CRYBG3: variants seen among roughly 807,000 people sequenced by gnomAD.
CRYBG3 encodes the protein crystallin beta-gamma domain containing 3.
CRYBG3 carries 127 observed loss-of-function variants against 244.2 expected under a neutral mutation model. That is an observed-to-expected ratio of 0.52 (90% CI 0.45 to 0.60). CRYBG3 has a LOEUF of 0.60. Among genes scored for constraint, CRYBG3 ranks in the 20% least tolerant of loss-of-function variants. The probability of loss-of-function intolerance (pLI) is 0.00; values close to 1 mark genes in which losing one functional copy is unlikely to be tolerated. For missense variants in CRYBG3, 3,325 were observed against 3,442.5 expected, an observed-to-expected ratio of 0.97 and a Z score of 0.85; for synonymous variants, 1,132 against 1,195.8, an observed-to-expected ratio of 0.95 and a Z score of 1.10.
rs191879714 is a variant in CRYBG3 at position 97,897,800 on chromosome 3, G to T, written c.7702-1083G>T. ...TTCTTAATTCAAAAAGGAATTACAG[G>T]GTCAGAGAGTGTGAACAGTTTCTTT... On this transcript the variant is annotated intron_variant, in intron 12 of 21. Transcript: ENST00000389622. 5.9e-5 allele frequency among the ~76,000 whole-genome samples: 9 copies of T among 152,132 alleles called. 1 individual carries two copies. Among genetic ancestry groups the T allele is most frequent in the African/African-American group, 2.2e-4 (9 of 41,524 alleles).
intron 2 of CRYBG3, among the ~76,000 whole-genome samples, chr3:97,853,406 TACACACACACAC>T (rs57065921): frequency 1.4e-5 from 2 of 147,682 alleles, no homozygotes; most frequent in African/African-American, 2.5e-5. Context: ...ACACATACAA[TACACACACACAC>T]ACACACACAC....
In CRYBG3 at chr3:97,875,261, G is replaced by A; in HGVS notation, c.4067G>A (p.Arg1356Lys). 1.3e-6 allele frequency: 2 copies of A among 1,489,316 alleles called. No homozygotes were observed. Among genetic ancestry groups the A allele is most frequent in the South Asian group, 2.6e-5 (2 of 75,508 alleles). 92.3% of individuals were successfully genotyped at this position (1,489,316 alleles called of 1,614,324 possible). A position where few individuals can be genotyped will look rare whatever the true frequency, so the allele number is the denominator to read the frequency against. Residue 1356 changes from arginine to lysine, a missense_variant, in exon 4 of 22, where the codon AGA (arginine) becomes AAA (lysine). By Grantham distance (26) the Arg-to-Lys change is conservative. This residue lies in a region of CRYBG3 where 635 missense variants were observed against 771.7 expected (regional missense o/e 0.82). Transcript: ENST00000389622. ...SDSVKPHDVV[R>K]EFLVSEQPVN... The stretch of plus-strand genomic sequence containing the variant: ...AGTGTTAAGCCACATGATGTAGTTA[G>A]AGAGTTCTTGGTTTCAGAACAGCCA...
Position 97,877,880 on chromosome 3 carries a change from T to C in CRYBG3, c.6686T>C (p.Leu2229Pro). 1 of 1,614,122 alleles carries C rather than the reference T, an allele frequency of 6.2e-7. No individual in the cohort carries two copies. Among genetic ancestry groups the C allele is most frequent in the Non-Finnish European group, 8.5e-7 (1 of 1,180,014 alleles). Residue 2229 changes from leucine to proline, a missense_variant, in exon 4 of 22, where the codon CTA becomes CCA. Leu to Pro is a moderately conservative substitution (Grantham distance 98, BLOSUM62 -3). Coordinates refer to ENST00000389622, the MANE Select transcript of CRYBG3 (RefSeq NM_153605.4). ...CAGAAATCTGACCTTACTTCTAAAC[T>C]ACATTCTTCTTTAAAGAGTGCTTAT... ...FLQKSDLTSK[L>P]HSSLKSAYHQ...
chr3:97,874,503 G>A lies in CRYBG3; in HGVS notation c.3309G>A (p.Leu1103=). The change falls in exon 4 of 22, where the codon TTG becomes TTA. Residue 1103 remains leucine (L), a synonymous_variant. Transcript: ENST00000389622. ...THEGTSVTNL[L]YPTTSYLEFE... The stretch of plus-strand genomic sequence containing the variant: ...AAGGTACCTCTGTAACTAACCTGTT[G>A]TACCCTACTACCTCTTATTTGGAAT... 1 of 1,534,764 alleles carries A rather than the reference G, an allele frequency of 6.5e-7. No homozygotes were observed. The highest frequency in any genetic ancestry group is 2.4e-5 in the East Asian group (1 of 40,904).
intron 19 of CRYBG3, 97 bp downstream of exon 19, chr3:97,937,005 T>G (rs1260973516): frequency 1.4e-6 from 2 of 1,403,758 alleles, no homozygotes; most frequent in East Asian, 4.8e-5. Context: ...TTAATTTAGT[T>G]TGCCATTTAC....
intron 1 of CRYBG3, among the ~76,000 whole-genome samples, chr3:97,835,214 A>G (rs2108159785): frequency 6.6e-6 from 1 of 152,228 alleles, no homozygotes; most frequent in South Asian, 2.1e-4. Context: ...GCATGTCTAA[A>G]TGTGTCTCTA....
chr3:97,893,129 ATAT>A (rs1442124783), intron 11 of CRYBG3, 136 bp downstream of exon 11: 1 of 736,706 alleles, frequency 1.4e-6, no homozygotes, highest in Non-Finnish European at 2.2e-6. Flanking sequence ...AAAGTAAAAA[ATAT>A]TAGTTACTTA....
chr3:97,893,614 A>G (rs530442062), intron 11 of CRYBG3, among the ~76,000 whole-genome samples: 1 of 152,354 alleles, frequency 6.6e-6, no homozygotes, highest in South Asian at 2.1e-4. Context: ...AGGTGAAACA[A>G]TGAAGAAGAA....
Position 97,875,887 on chromosome 3 carries a change from C to A in CRYBG3, c.4693C>A (p.Pro1565Thr). Residue 1565 changes from proline to threonine, a missense_variant, in exon 4 of 22, where the codon CCT becomes ACT. Physicochemically the swap from Pro to Thr is conservative, Grantham distance 38. This residue lies in a region of CRYBG3 where 635 missense variants were observed against 771.7 expected (regional missense o/e 0.82). Coordinates refer to ENST00000389622, the MANE Select transcript of CRYBG3 (RefSeq NM_153605.4). ...ELNILKYEAV[P>T]PMIEMGRIHK... ...GAATATTCTGAAATATGAGGCAGTCCCTCCTATGATAGAAATGGGAAGAAT... is the reference window on the plus strand; with the variant it reads ...GAATATTCTGAAATATGAGGCAGTCACTCCTATGATAGAAATGGGAAGAAT... 8.1e-7 allele frequency: 1 copy of A among 1,231,792 alleles called. No individual in the cohort carries two copies. The highest frequency in any genetic ancestry group is 1.0e-6 in the Non-Finnish European group (1 of 987,854). 76.3% of individuals were successfully genotyped at this position (1,231,792 alleles called of 1,614,324 possible).
Position 97,877,281 on chromosome 3 carries a change from G to A in CRYBG3, c.6087G>A (p.Thr2029=), listed in dbSNP as rs771489312. 6.2e-6 allele frequency: 10 copies of A among 1,614,052 alleles called. No individual in the cohort carries two copies. Among genetic ancestry groups the A allele is most frequent in the South Asian group, 4.4e-5 (4 of 91,080 alleles). ...CACAGTCTGTCTTGTTTCATGATAC[G>A]TCCGCTGACAGCATGCCTGTTCTGG... The part of the protein sequence containing the change: ...RQTQSVLFHD[T]SADSMPVLAC... The change falls in exon 4 of 22, where the codon ACG becomes ACA. Residue 2029 remains threonine, a synonymous_variant. Coordinates refer to ENST00000389622, the MANE Select transcript of CRYBG3 (RefSeq NM_153605.4).
chr3:97,915,291 G>A (rs2039914944), intron 16 of CRYBG3, among the ~76,000 whole-genome samples: 1 of 152,042 alleles, frequency 6.6e-6, no homozygotes, highest in South Asian at 2.1e-4. Flanking sequence ...GTAGTTTGAG[G>A]AACCATGGGA....
chr3:97,938,951 G>A (rs1027367355), intron 19 of CRYBG3, among the ~76,000 whole-genome samples: 2 of 151,902 alleles, frequency 1.3e-5, no homozygotes, highest in Non-Finnish European at 2.9e-5. Flanking sequence ...CAGGGAGTAA[G>A]CCCACTGAAA....
intron 8 of CRYBG3, among the ~76,000 whole-genome samples, chr3:97,887,803 C>A (rs1205732030): frequency 2.0e-5 from 3 of 151,960 alleles, no homozygotes; most frequent in African/African-American, 7.2e-5. Flanking sequence ...TTGGGGTAGG[C>A]CAGTAATTGG....
chr3:97,936,725 T>G, intron 18 of CRYBG3, 60 bp from the exon 19 acceptor site: 1 of 1,576,968 alleles, frequency 6.3e-7, no homozygotes, highest in Non-Finnish European at 8.6e-7. Context: ...GCAGATACTT[T>G]TGATGAGGGA....
intron 1 of CRYBG3, among the ~76,000 whole-genome samples, chr3:97,842,043 G>A (rs1040720315): frequency 2.6e-5 from 4 of 152,172 alleles, no homozygotes; most frequent in Non-Finnish European, 4.4e-5. Context: ...TGTTCATTTA[G>A]CAGTTATAAC....
At chr3:97,826,068 G>A (rs1438855205) in intron 1 of CRYBG3, among the ~76,000 whole-genome samples, 1 of 152,204 alleles carries the variant, frequency 6.6e-6, no homozygotes, top group Non-Finnish European at 1.5e-5. Flanking sequence ...GAGAATTCCA[G>A]AAGTCTTTAG....
chr3:97,871,940 C>T lies in CRYBG3; in HGVS notation c.746C>T (p.Ala249Val). 1 of 1,535,666 alleles carries T rather than the reference C, an allele frequency of 6.5e-7. No homozygotes were observed. The highest frequency in any genetic ancestry group is 8.7e-7 in the Non-Finnish European group (1 of 1,146,566). Reference protein sequence around the residue: ...GKYLKQQTGLATVNTLDRENE... With the variant: ...GKYLKQQTGLVTVNTLDRENE... ...TATTTAAAGCAACAGACAGGCTTGG[C>T]AACTGTGAATACCTTGGACAGAGAA... Residue 249 changes from alanine (A) to valine (V), a missense_variant, in exon 4 of 22, where the codon GCA (alanine) becomes GTA (valine). Physicochemically the swap from Ala to Val is moderately conservative, Grantham distance 64. This residue lies in a region of CRYBG3 where 1,526 missense variants were observed against 1,443.2 expected (regional missense o/e 1.06). Coordinates refer to ENST00000389622, the MANE Select transcript of CRYBG3 (RefSeq NM_153605.4).
intron 16 of CRYBG3, among the ~76,000 whole-genome samples, chr3:97,913,050 C>T (rs1323167185): frequency 6.6e-6 from 1 of 152,038 alleles, no homozygotes; most frequent in African/African-American, 2.4e-5. Context: ...TCATTAGAGA[C>T]CTGGGCCTTC....
In CRYBG3 at chr3:97,875,247, A is replaced by G. The variant is rs2039356874; in HGVS notation, c.4053A>G (p.Pro1351=). ...SKILNSDSVK[P]HDVVREFLVS... ...TTCTGAACAGTGATAGTGTTAAGCC[A>G]CATGATGTAGTTAGAGAGTTCTTGG... The change falls in exon 4 of 22, where the codon CCA becomes CCG. Residue 1351 remains proline, a synonymous_variant. Transcript: ENST00000389622. 6.6e-7 allele frequency: 1 copy of G among 1,513,668 alleles called. No homozygotes were observed. The highest frequency in any genetic ancestry group is 8.8e-7 in the Non-Finnish European group (1 of 1,138,624). 93.8% of individuals were successfully genotyped at this position (1,513,668 alleles called of 1,614,324 possible).
Sources: gnomAD v4.1 joint callset for allele counts (sites outside exome capture counted in the v4.1 genomes callset) on GRCh38, gnomAD v4.1.1 for gene constraint, gnomAD v4.1.1 regional missense constraint, MANE v1.5 for transcripts, NCBI Gene and HGNC (gene_info 2026-07-23, HGNC 2026-07-21) for gene names.